MPO: variants seen among roughly 807,000 people sequenced by gnomAD.
MPO encodes the protein myeloperoxidase.
A neutral mutation model predicts 69.4 loss-of-function variants in MPO; 57 were observed. The observed-to-expected ratio is 0.82, with a 90% CI of 0.66 to 1.02. The LOEUF (loss-of-function observed/expected upper bound fraction) is 1.02. Among genes scored for constraint, MPO ranks in the 50% least tolerant of loss-of-function variants. The pLI is 0.00. For synonymous variants in MPO, 426 were observed against 417.1 expected (o/e 1.02, Z -0.26); for missense variants, 971 against 1,014.1 (o/e 0.96, Z 0.58).
At position 58,280,387 on chromosome 17, in the gene MPO, G is replaced by C. The variant is rs1970501631; in HGVS notation, c.227C>G (p.Ala76Gly). 6.2e-7 allele frequency: 1 copy of C among 1,614,064 alleles called. No individual in the cohort carries two copies. Among genetic ancestry groups the C allele is most frequent in the East Asian group, 2.2e-5 (1 of 44,858 alleles). ...CCACCTTTCCCGCCGCTCCTTGTAG[G>C]CCTTGTCCACCAGCTGCTTGGCCTC... ...MEEAKQLVDK[A>G]YKERRESIKQ... The change falls in exon 2 of 12, where the codon GCC (alanine) becomes GGC (glycine). Residue 76 changes from alanine (A) to glycine (G), a missense_variant. Physicochemically the swap from Ala to Gly is moderately conservative, Grantham distance 60 (BLOSUM62 0). Coordinates refer to ENST00000225275, the MANE Select transcript of MPO (RefSeq NM_000250.2).
chr17:58,279,151 G>C lies in MPO; in HGVS notation c.742C>G (p.Arg248Gly). The C allele has an allele frequency of 6.2e-7, 1 of 1,612,594 alleles. No individual in the cohort carries two copies. Among genetic ancestry groups the C allele is most frequent in the Non-Finnish European group, 8.5e-7 (1 of 1,179,392 alleles). ...PTDQLTPDQERSLMFMQWGQL... is the reference protein window; with the variant it reads ...PTDQLTPDQEGSLMFMQWGQL... ...CCCCATTGCATGAACATGAGTGAGC[G>C]CTCCTGGTCCGGAGTCAGCTGATCA... is the stretch of plus-strand genomic sequence containing the variant. Residue 248 changes from arginine (R) to glycine (G), a missense_variant, in exon 6 of 12, where the codon CGC (arginine) becomes GGC (glycine). Physicochemically the swap from Arg to Gly is moderately radical, Grantham distance 125. Coordinates refer to ENST00000225275, the MANE Select transcript of MPO (RefSeq NM_000250.2).
rs1382188213 is a variant in MPO at position 58,273,610 on chromosome 17, G to A, written c.1425C>T (p.Tyr475=). 6 of 1,614,242 alleles carry A rather than the reference G, an allele frequency of 3.7e-6. No individual in the cohort carries two copies. Among genetic ancestry groups the A allele is most frequent in the Non-Finnish European group, 5.1e-6 (6 of 1,180,046 alleles). ...LVLGPTAMRK[Y]LPTYRSYNDS... is the part of the protein sequence containing the mutation. Reference sequence around the variant, plus strand: ...CATTGTAGGAACGGTACGTGGGCAGGTACTTCCTCATGGCCGTTGGCCCCA... The same window carrying A: ...CATTGTAGGAACGGTACGTGGGCAGATACTTCCTCATGGCCGTTGGCCCCA... The change falls in exon 9 of 12, where the codon TAC becomes TAT. Residue 475 remains tyrosine (Y), a synonymous_variant. Transcript: ENST00000225275.
At chr17:58,278,930 G>A in intron 6 of MPO, 78 bp downstream of exon 6, 8 of 1,489,174 alleles carry the variant, frequency 5.4e-6, no homozygotes, top group Non-Finnish European at 7.2e-6. Flanking sequence ...AGGAAACCTG[G>A]GCACAGAAGG....
intron 8 of MPO, chr17:58,274,351 T>A (rs1290408556): frequency 4.4e-5 from 7 of 157,948 alleles, no homozygotes; most frequent in African/African-American, 1.5e-4. Flanking sequence ...TCTAGGAGTG[T>A]GTGTGTGTGT....
chr17:58,277,856 C>T lies in MPO; in HGVS notation c.1175G>A (p.Arg392His), dbSNP rs767511612. The change falls in exon 7 of 12, where the codon CGC becomes CAC. Residue 392 changes from arginine to histidine, a missense_variant. Arg to His is a conservative substitution (Grantham distance 29). Coordinates refer to ENST00000225275, the MANE Select transcript of MPO (RefSeq NM_000250.2). ...LHDDPCLLTN[R>H]SARIPCFLAG... is the part of the protein sequence containing the mutation. ...CAGGAAGCAGGGGATGCGCGCTGAG[C>T]GGTTGGTGAGGAGACAGGGGTCATC... 1.2e-6 allele frequency: 2 copies of T among 1,606,300 alleles called. No individual in the cohort carries two copies. Among genetic ancestry groups the T allele is most frequent in the African/African-American group, 1.3e-5 (1 of 74,916 alleles).
Position 58,280,628 on chromosome 17 carries a change from TG to T in MPO, c.130del (p.Gln44SerfsTer20). 1 of 1,614,220 alleles carries T rather than the reference TG, an allele frequency of 6.2e-7. No homozygotes were observed. Among genetic ancestry groups the T allele is most frequent in the Non-Finnish European group, 8.5e-7 (1 of 1,180,034 alleles). On this transcript the variant is annotated frameshift_variant, in exon 1 of 12. Transcript: ENST00000225275. LOFTEE classifies it high-confidence loss of function. Reference sequence around the variant, plus strand: ...ACCTGGAGCAGCACCTTCAGAGGGCTGGGGCGTGGCCAGAATGGCCAGGAGC... The same window carrying T: ...ACCTGGAGCAGCACCTTCAGAGGGCTGGGCGTGGCCAGAATGGCCAGGAGC... ...AGLLAILATP[Q>X]PSEGAAPAVL... is the part of the protein sequence containing the mutation.
At chr17:58,273,363 A>G in intron 9 of MPO, 51 bp downstream of exon 9, 1 of 1,613,044 alleles carries the variant, frequency 6.2e-7, no homozygotes, top group East Asian at 2.2e-5. Context: ...GGTGATCCCT[A>G]CCCCACCTTT....
At chr17:58,271,544 A>C (rs1970364237) in intron 11 of MPO, 111 bp downstream of exon 11, 3 of 1,096,658 alleles carry the variant, frequency 2.7e-6, no homozygotes, top group Non-Finnish European at 4.1e-6. Flanking sequence ...CACACTGGAA[A>C]ATTACTGACT....
Position 58,271,765 on chromosome 17 carries a change from G to C in MPO, c.1920C>G (p.Ile640Met). 1 of 1,614,094 alleles carries C rather than the reference G, an allele frequency of 6.2e-7. No homozygotes were observed. The highest frequency in any genetic ancestry group is 1.1e-5 in the South Asian group (1 of 91,084). ...CGGACACGCCGCCCATCCAGATGTC[G>C]ATGTTGTTGGGCGTGCCATACTGCT... ...LMEQYGTPNN[I>M]DIWMGGVSEP... Residue 640 changes from isoleucine to methionine, a missense_variant, in exon 11 of 12, where the codon ATC (isoleucine) becomes ATG (methionine). By Grantham distance (10) the Ile-to-Met change is conservative. Transcript: ENST00000225275.
chr17:58,279,509 C>G lies in MPO; in HGVS notation c.548+14G>C. 1 of 1,613,722 alleles carries G rather than the reference C, an allele frequency of 6.2e-7. No homozygotes were observed. The highest frequency in any genetic ancestry group is 8.5e-7 in the Non-Finnish European group (1 of 1,179,954). ...CTGAGCCCGGTTCCTGCAGCCACCC[C>G]CAGCCAGCCGCACCTGTTGTTGCAC... On this transcript the variant is annotated intron_variant, in intron 4 of 11. Transcript: ENST00000225275.
At position 58,275,389 on chromosome 17, in the gene MPO, A is replaced by G. The variant is rs910305199; in HGVS notation, c.1365+153T>C. Among the ~76,000 whole-genome samples the G allele has an allele frequency of 6.6e-6, 1 of 152,214 alleles. No homozygotes were observed. The highest frequency in any genetic ancestry group is 1.5e-5 in the Non-Finnish European group (1 of 68,044). On this transcript the variant is annotated intron_variant, in intron 8 of 11. Transcript: ENST00000225275. The surrounding 1 kb of genome is among the most constrained non-coding windows in gnomAD (Gnocchi z 4.1). The stretch of plus-strand genomic sequence containing the variant: ...GGCTTTGTCAAGCACTTACTATCTG[A>G]AAGGTGTTTTCATATATGTATTATA...
chr17:58,270,528 C>A lies in MPO; in HGVS notation c.*128G>T. 1 of 796,018 alleles carries A rather than the reference C, an allele frequency of 1.3e-6. No homozygotes were observed. Among genetic ancestry groups the A allele is most frequent in the South Asian group, 1.5e-5 (1 of 68,310 alleles). 49.3% of individuals were successfully genotyped at this position (796,018 alleles called of 1,614,324 possible). A position where few individuals can be genotyped will look rare whatever the true frequency, so the allele number is the denominator to read the frequency against. Reference sequence around the variant, plus strand: ...GCACATACATGAGCACACAAATGAACGTCTAGTCACTCATTTTCTCAGCTG... The same window carrying A: ...GCACATACATGAGCACACAAATGAAAGTCTAGTCACTCATTTTCTCAGCTG... On this transcript the variant is annotated 3_prime_UTR_variant, in exon 12 of 12. Transcript: ENST00000225275. The surrounding 1 kb of genome is among the most constrained non-coding windows in gnomAD (Gnocchi z 4.1).
Position 58,271,648 on chromosome 17 carries a change from T to A in MPO, c.2030+7A>T. ...CCCAGCGGCCCACGACGCCTGCCCC[T>A]CCTCACCGATCACCATCCCGGAGCT... On this transcript the variant is annotated splice_region_variant and intron_variant, in intron 11 of 11. Coordinates refer to ENST00000225275, the MANE Select transcript of MPO (RefSeq NM_000250.2). The A allele has an allele frequency of 6.2e-7, 1 of 1,613,480 alleles. No homozygotes were observed.
Position 58,272,783 on chromosome 17 carries a change from A to G in MPO, c.1757T>C (p.Leu586Pro), listed in dbSNP as rs1304962759. 1 of 1,614,186 alleles carries G rather than the reference A, an allele frequency of 6.2e-7. No homozygotes were observed. The highest frequency in any genetic ancestry group is 1.7e-5 in the Admixed American group (1 of 60,032). Residue 586 changes from leucine (L) to proline (P), a missense_variant, in exon 10 of 12, where the codon CTG (leucine) becomes CCG (proline). Transcript: ENST00000225275. ...VMRIGLDLPA[L>P]NMQRSRDHGL... ...GTGGTCCCTGCTGCGCTGCATGTTC[A>G]GAGCAGGCAGGTCCAGCCCAATCCT...
Position 58,272,913 on chromosome 17 carries a change from T to A in MPO, c.1627A>T (p.Ile543Phe), listed in dbSNP as rs1598039749. Residue 543 changes from isoleucine (I) to phenylalanine (F), a missense_variant, in exon 10 of 12, where the codon ATT (isoleucine) becomes TTT (phenylalanine). By Grantham distance (21) the Ile-to-Phe change is conservative. Coordinates refer to ENST00000225275, the MANE Select transcript of MPO (RefSeq NM_000250.2). ...ASWRVVLEGG[I>F]DPILRGLMAT... is the part of the protein sequence containing the mutation. ...ATGAGGCCCCGGAGGATGGGGTCAATGCCACCTGGGGACCAGAGGAGCCAG... is the reference window on the plus strand; with the variant it reads ...ATGAGGCCCCGGAGGATGGGGTCAAAGCCACCTGGGGACCAGAGGAGCCAG... 1 of 1,614,058 alleles carries A rather than the reference T, an allele frequency of 6.2e-7. No individual in the cohort carries two copies. Among genetic ancestry groups the A allele is most frequent in the Admixed American group, 1.7e-5 (1 of 60,024 alleles).
intron 7 of MPO, 111 bp downstream of exon 7, chr17:58,277,716 T>C: frequency 4.8e-6 from 7 of 1,444,552 alleles, no homozygotes; most frequent in Non-Finnish European, 6.7e-6. Flanking sequence ...TAATGGCTGG[T>C]GAGGACAGTC....
chr17:58,280,704 A>C lies in MPO; in HGVS notation c.55T>G (p.Trp19Gly). 1 of 1,614,224 alleles carries C rather than the reference A, an allele frequency of 6.2e-7. No individual in the cohort carries two copies. Among genetic ancestry groups the C allele is most frequent in the South Asian group, 1.1e-5 (1 of 91,090 alleles). ...ATCTCTGCAGTGAGACCCCCAGCCC[A>C]GCAAGGTCCTAAGTCCACCATGCAT... ...LRCMVDLGPCWAGGLTAEMKL... is the reference protein window; with the variant it reads ...LRCMVDLGPCGAGGLTAEMKL... The change falls in exon 1 of 12, where the codon TGG becomes GGG. Residue 19 changes from tryptophan (W) to glycine (G), a missense_variant. Trp to Gly is a radical substitution (Grantham distance 184). Coordinates refer to ENST00000225275, the MANE Select transcript of MPO (RefSeq NM_000250.2).
chr17:58,279,473 G>A lies in MPO; in HGVS notation c.549-47C>T, dbSNP rs748325054. On this transcript the variant is annotated intron_variant, in intron 4 of 11. Coordinates refer to ENST00000225275, the MANE Select transcript of MPO (RefSeq NM_000250.2). ...TGACACCGGGAGGCTTGTGGCGTCC[G>A]GGACGCCTCTCTGAGCCCGGTTCCT... The A allele has an allele frequency of 1.1e-5, 18 of 1,612,172 alleles. 1 individual carries two copies. The South Asian group carries it at 1.3e-4, about 12-fold the overall frequency.
rs2143983137 is a variant in MPO at position 58,280,276 on chromosome 17, T to A, written c.248+90A>T. On this transcript the variant is annotated intron_variant, in intron 2 of 11. Coordinates refer to ENST00000225275, the MANE Select transcript of MPO (RefSeq NM_000250.2). ...TCCACATGGGTCCCCATAGTCCCCC[T>A]CTCCCACCTTCAAGCTCCCTGCTGC... The A allele has an allele frequency of 2.2e-6, 3 of 1,346,322 alleles. No individual in the cohort carries two copies. In the South Asian group the frequency reaches 3.6e-5, roughly 16 times the overall value. 83.4% of individuals were successfully genotyped at this position (1,346,322 alleles called of 1,614,324 possible).
Sources: gnomAD v4.1 joint callset for allele counts (sites outside exome capture counted in the v4.1 genomes callset) on GRCh38, gnomAD v4.1.1 for gene constraint, Gnocchi (gnomAD v3.1) non-coding constraint, MANE v1.5 for transcripts, NCBI Gene and HGNC (gene_info 2026-07-23, HGNC 2026-07-21) for gene names.